NHLRC2: variants seen among roughly 807,000 people sequenced by gnomAD.
NHLRC2 encodes the protein NHL repeat-containing protein 2.
A neutral mutation model predicts 68.1 loss-of-function variants in NHLRC2; 33 were observed. The ratio of observed to expected loss-of-function variants is 0.48; its 90% CI spans 0.37 to 0.65. The LOEUF (loss-of-function observed/expected upper bound fraction) is 0.65, where lower values mean the gene tolerates loss of function less well. NHLRC2 is among the 30% of genes least tolerant of loss of function. The pLI is 0.00. For synonymous variants in NHLRC2, 311 were observed against 309.6 expected (o/e 1.00, Z -0.05); for missense variants, 761 against 853.8 (o/e 0.89, Z 1.35).
intron 2 of NHLRC2, among the ~76,000 whole-genome samples, chr10:113,870,419 T>A (rs1448272743): frequency 6.6e-6 from 1 of 152,206 alleles, no homozygotes; most frequent in African/African-American, 2.4e-5. Flanking sequence ...ACACTCGCTT[T>A]TTTCATGTAA....
rs114254144 is a variant in NHLRC2, at chr10:113,881,008, G to A, written c.909+1313G>A. ...ATTTCTAAACTTATTTGACCAGAGA[G>A]CCCTTTATAGGCAGAGCTGCTTATA... On this transcript the variant is annotated intron_variant, in intron 4 of 10. Transcript: ENST00000369301. Among the ~76,000 whole-genome samples the A allele has an allele frequency of 5.5e-3, 833 of 151,962 alleles. 8 individuals are homozygous for A. Among genetic ancestry groups the A allele is most frequent in the African/African-American group, 0.018 (753 of 41,538 alleles).
chr10:113,855,979 G>A (rs1455130609), intron 1 of NHLRC2, among the ~76,000 whole-genome samples: 1 of 152,160 alleles, frequency 6.6e-6, no homozygotes, highest in East Asian at 1.9e-4. Context: ...AACTGCCCCA[G>A]TTGGATTATA....
intron 3 of NHLRC2, among the ~76,000 whole-genome samples, chr10:113,878,794 G>C: frequency 6.6e-6 from 1 of 152,154 alleles, no homozygotes; most frequent in Middle Eastern, 3.2e-3. Flanking sequence ...CTCCCAAAGT[G>C]CTGAGATTAC....
intron 9 of NHLRC2, 121 bp from the exon 10 acceptor site, chr10:113,904,696 A>G (rs1330827923): frequency 1.4e-6 from 1 of 709,920 alleles, no homozygotes; most frequent in African/African-American, 1.8e-5. Context: ...TTCAAACTAG[A>G]ATGGCGATTA....
In NHLRC2 at chr10:113,912,222, G is replaced by T. The variant is rs1004318586; in HGVS notation, c.*3686G>T. The T allele has an allele frequency of 2.0e-5, 3 of 151,274 alleles. No individual in the cohort carries two copies. The highest frequency in any genetic ancestry group is 4.4e-5 in the Non-Finnish European group (3 of 68,010). 9.4% of individuals were successfully genotyped at this position (151,274 alleles called of 1,614,324 possible). A position where few individuals can be genotyped will look rare whatever the true frequency, so the allele number is the denominator to read the frequency against. ...CCTGCCTCATATTCAATGAAATATT[G>T]TGTGTACAGCACTTAGTAATTAATG... On this transcript the variant is annotated 3_prime_UTR_variant, in exon 11 of 11. Coordinates refer to ENST00000369301, the MANE Select transcript of NHLRC2 (RefSeq NM_198514.4).
At chr10:113,897,507 C>T (rs549093906) in intron 5 of NHLRC2, among the ~76,000 whole-genome samples, 2 of 152,308 alleles carry the variant, frequency 1.3e-5, no homozygotes, top group South Asian at 4.1e-4. Flanking sequence ...AGTGATATTG[C>T]CTCCAAGCAT....
At chr10:113,888,299 A>G (rs1846100680) in intron 5 of NHLRC2, among the ~76,000 whole-genome samples, 3 of 152,224 alleles carry the variant, frequency 2.0e-5, no homozygotes, top group South Asian at 2.1e-4. Context: ...TGCTAAAAGA[A>G]TAAATATTTA....
chr10:113,876,471 T>G, intron 2 of NHLRC2, 50 bp from the exon 3 acceptor site: 1 of 1,120,814 alleles, frequency 8.9e-7, no homozygotes, highest in African/African-American at 1.6e-5. Context: ...GATGATGATA[T>G]TCAAACTTAA....
rs866265101 is a variant in NHLRC2, at chr10:113,909,582, G to A, written c.*1046G>A. Reference sequence around the variant, plus strand: ...TGCTTTCATGCTATTAATAGATACAGTATATCCTAATATATTAGTCTTCAA... The same window carrying A: ...TGCTTTCATGCTATTAATAGATACAATATATCCTAATATATTAGTCTTCAA... On this transcript the variant is annotated 3_prime_UTR_variant, in exon 11 of 11. Transcript: ENST00000369301. 1.4e-4 allele frequency: 22 copies of A among 151,924 alleles called. No individual in the cohort carries two copies. Among genetic ancestry groups the A allele is most frequent in the African/African-American group, 5.1e-4 (21 of 41,338 alleles). 9.4% of individuals were successfully genotyped at this position (151,924 alleles called of 1,614,324 possible).
chr10:113,866,388 T>C (rs1267036966), intron 2 of NHLRC2, among the ~76,000 whole-genome samples: 4 of 152,228 alleles, frequency 2.6e-5, no homozygotes, highest in Non-Finnish European at 5.9e-5. Flanking sequence ...ATTTATGGTG[T>C]ATACATTAAT....
rs1168100149 is a variant in NHLRC2 at position 113,911,207 on chromosome 10, G to C, written c.*2671G>C. 6.6e-6 allele frequency: 1 copy of C among 152,028 alleles called. No individual in the cohort carries two copies. Among genetic ancestry groups the C allele is most frequent in the Non-Finnish European group, 1.5e-5 (1 of 67,952 alleles). The allele number at this position is 152,028 out of a possible 1,614,324, so 9.4% of individuals were successfully genotyped here. On this transcript the variant is annotated 3_prime_UTR_variant, in exon 11 of 11. Transcript: ENST00000369301. ...TGGAATCTTTGCCCTAAATTATTCT[G>C]CTGGTTTGTCGCTATTTTTTTCCTC...
rs2419858 is a variant in NHLRC2, at chr10:113,855,379, A to G, written c.178+329A>G. 3.2e-3 allele frequency among the ~76,000 whole-genome samples: 485 copies of G among 152,284 alleles called. 3 individuals are homozygous for G. The highest frequency in any genetic ancestry group is 0.011 in the African/African-American group (470 of 41,576). ...TTGCAACGTCCACACCATTCTGTCC[A>G]TTCAATCTGGTTCCCCAGTGTCTTC... On this transcript the variant is annotated intron_variant, in intron 1 of 10. Transcript: ENST00000369301.
chr10:113,897,761 A>T (rs868102668), intron 5 of NHLRC2, among the ~76,000 whole-genome samples: 2 of 152,218 alleles, frequency 1.3e-5, no homozygotes, highest in African/African-American at 2.4e-5. Flanking sequence ...TTAATAGTTT[A>T]TGTCATGTAA....
At chr10:113,904,056 T>TA (rs759461184) in intron 9 of NHLRC2, among the ~76,000 whole-genome samples, 1 of 151,290 alleles carries the variant, frequency 6.6e-6, no homozygotes, top group Middle Eastern at 3.2e-3. Context: ...ATACACTACA[T>TA]ACACCTGCTC....
At chr10:113,896,432 C>T (rs982617436) in intron 5 of NHLRC2, among the ~76,000 whole-genome samples, 17 of 147,738 alleles carry the variant, frequency 1.2e-4, no homozygotes, top group South Asian at 4.2e-4. Context: ...AACCAAACAC[C>T]GCATATTCTC....
chr10:113,913,271 T>A lies in NHLRC2; in HGVS notation c.*4735T>A, dbSNP rs1846346287. ...TAGGTTTTCTTAAAACATAAATCTT[T>A]CATAACTTTATATATTTATAGTAAC... On this transcript the variant is annotated 3_prime_UTR_variant, in exon 11 of 11. Transcript: ENST00000369301. 6.6e-6 allele frequency: 1 copy of A among 152,206 alleles called. No homozygotes were observed. 9.4% of individuals were successfully genotyped at this position (152,206 alleles called of 1,614,324 possible). A position where few individuals can be genotyped will look rare whatever the true frequency, so the allele number is the denominator to read the frequency against.
chr10:113,869,774 A>G (rs888549017), intron 2 of NHLRC2, among the ~76,000 whole-genome samples: 2 of 152,234 alleles, frequency 1.3e-5, no homozygotes, highest in East Asian at 1.9e-4. Context: ...GATTTAACTC[A>G]TGGATTCTTA....
chr10:113,884,225 T>TA, intron 4 of NHLRC2, 26 bp from the exon 5 acceptor site: 2 of 1,598,132 alleles, frequency 1.3e-6, no homozygotes, highest in South Asian at 2.2e-5. Flanking sequence ...ATTCATTGCA[T>TA]AAAACCATCC....
intron 2 of NHLRC2, among the ~76,000 whole-genome samples, chr10:113,864,610 T>C (rs1240956275): frequency 6.6e-6 from 1 of 150,698 alleles, no homozygotes; most frequent in Non-Finnish European, 1.5e-5. Flanking sequence ...GGCAAGAGAA[T>C]CGCTTGAACC....
Sources: allele counts gnomAD v4.1 joint callset (sites outside exome capture counted in the v4.1 genomes callset), GRCh38; gene constraint gnomAD v4.1.1; transcripts MANE v1.5; gene names NCBI Gene and HGNC (gene_info 2026-07-23, HGNC 2026-07-21).